Variants in ST6GALNAC3 observed in about 807,000 individuals in gnomAD.
ST6GALNAC3 encodes the protein alpha-N-acetylgalactosaminide alpha-2,6-sialyltransferase 3.
In ST6GALNAC3, 25 loss-of-function variants were observed where a neutral mutation model predicts 32.7. The observed-to-expected ratio is 0.76, with a 90% CI of 0.56 to 1.07. The LOEUF (loss-of-function observed/expected upper bound fraction) is 1.07. Among genes scored for constraint, ST6GALNAC3 ranks in the 50% least tolerant of loss-of-function variants. The pLI, the probability that ST6GALNAC3 is intolerant of heterozygous loss-of-function variation, is 0.00. For synonymous variants in ST6GALNAC3, 129 were observed against 133.1 expected (o/e 0.97, Z 0.21); for missense variants, 355 against 382.4 (o/e 0.93, Z 0.60).
At chr1:76,348,436 A>G (rs1398099289) in intron 2 of ST6GALNAC3, among the ~76,000 whole-genome samples, 1 of 152,204 alleles carries the variant, frequency 6.6e-6, no homozygotes, top group Non-Finnish European at 1.5e-5. Context: ...CTGAAGTGCT[A>G]TGCCAACTTC....
chr1:76,269,180 T>A (rs1179366448), intron 1 of ST6GALNAC3, among the ~76,000 whole-genome samples: 1 of 152,234 alleles, frequency 6.6e-6, no homozygotes, highest in Non-Finnish European at 1.5e-5. Context: ...ATGACCCTAC[T>A]CACGGCTCTA....
chr1:76,235,595 A>G (rs1010704082), intron 1 of ST6GALNAC3, among the ~76,000 whole-genome samples: 3 of 151,698 alleles, frequency 2.0e-5, no homozygotes, highest in Non-Finnish European at 4.4e-5. Context: ...TATTTCTCTC[A>G]TTTGATATAA....
intron 1 of ST6GALNAC3, among the ~76,000 whole-genome samples, chr1:76,101,376 C>G (rs1224476930): frequency 6.6e-6 from 1 of 152,114 alleles, no homozygotes; most frequent in Non-Finnish European, 1.5e-5. Flanking sequence ...ATTTCATTTT[C>G]TAGGTGTACC....
intron 2 of ST6GALNAC3, among the ~76,000 whole-genome samples, chr1:76,354,719 G>T (rs1423808003): frequency 6.6e-6 from 1 of 151,706 alleles, no homozygotes; most frequent in Non-Finnish European, 1.5e-5. Context: ...GATTAGTTAT[G>T]CTTTGCCAGT....
intron 3 of ST6GALNAC3, among the ~76,000 whole-genome samples, chr1:76,527,944 T>C (rs1461013962): frequency 3.3e-5 from 5 of 152,126 alleles, no homozygotes; most frequent in Non-Finnish European, 7.4e-5. Flanking sequence ...GTTCCCTGAC[T>C]TTGCCCAGGG....
intron 2 of ST6GALNAC3, among the ~76,000 whole-genome samples, chr1:76,328,784 G>A (rs910439523): frequency 3.9e-5 from 6 of 152,284 alleles, no homozygotes; most frequent in African/African-American, 1.4e-4. Context: ...GGATAAAAAT[G>A]AGGTAAAGTT....
At chr1:76,597,056 G>C (rs1199483800) in intron 3 of ST6GALNAC3, among the ~76,000 whole-genome samples, 2 of 152,154 alleles carry the variant, frequency 1.3e-5, no homozygotes, top group Non-Finnish European at 2.9e-5. Context: ...AGTTTAGTCT[G>C]AGTCTAAAAG....
intron 2 of ST6GALNAC3, among the ~76,000 whole-genome samples, chr1:76,337,096 C>T (rs1298266586): frequency 6.6e-6 from 1 of 152,174 alleles, no homozygotes; most frequent in East Asian, 1.9e-4. Flanking sequence ...ATGGTGGGTC[C>T]CTTAGGCACA....
chr1:76,416,274 C>A (rs964428172), intron 3 of ST6GALNAC3, among the ~76,000 whole-genome samples: 1 of 152,068 alleles, frequency 6.6e-6, no homozygotes, highest in Non-Finnish European at 1.5e-5. Flanking sequence ...GTATACATCA[C>A]TGAAGTCATG....
chr1:76,135,382 C>CA (rs1649878057), intron 1 of ST6GALNAC3, among the ~76,000 whole-genome samples: 2 of 151,972 alleles, frequency 1.3e-5, no homozygotes. Flanking sequence ...AAAAATGAAC[C>CA]AAATATTGAA....
At chr1:76,300,463 A>C (rs1339496496) in intron 1 of ST6GALNAC3, among the ~76,000 whole-genome samples, 1 of 152,026 alleles carries the variant, frequency 6.6e-6, no homozygotes, top group Non-Finnish European at 1.5e-5. Context: ...TCACTAAAAA[A>C]TGGATGTACA....
chr1:76,457,869 C>A (rs1188984149), intron 3 of ST6GALNAC3, among the ~76,000 whole-genome samples: 26 of 149,904 alleles, frequency 1.7e-4, no homozygotes, highest in Admixed American at 2.0e-4. Context: ...GCAACAAAAG[C>A]CAAAATTGAC....
intron 3 of ST6GALNAC3, among the ~76,000 whole-genome samples, chr1:76,624,055 A>G (rs1648810369): frequency 1.3e-5 from 2 of 151,942 alleles, no homozygotes; most frequent in South Asian, 4.2e-4. Flanking sequence ...CCTGCCATTT[A>G]ACATCCCAAA....
intron 1 of ST6GALNAC3, among the ~76,000 whole-genome samples, chr1:76,124,647 A>G (rs1040534793): frequency 4.6e-5 from 7 of 152,142 alleles, no homozygotes; most frequent in African/African-American, 1.4e-4. Flanking sequence ...CTCTTGTGAT[A>G]GTGTTAAAAA....
chr1:76,187,886 C>G (rs1327256877), intron 1 of ST6GALNAC3, among the ~76,000 whole-genome samples: 4 of 152,164 alleles, frequency 2.6e-5, no homozygotes, highest in Non-Finnish European at 5.9e-5. Context: ...GCCTCTATAC[C>G]TCCCTCCAGC....
In ST6GALNAC3 at chr1:76,177,270, T is replaced by C. The variant is rs774302086; in HGVS notation, c.18+102386T>C. Among the ~76,000 whole-genome samples the C allele has an allele frequency of 6.0e-4, 92 of 152,334 alleles. 1 individual carries two copies. Among genetic ancestry groups the C allele is most frequent in the Non-Finnish European group, 1.1e-3 (78 of 68,024 alleles). On this transcript the variant is annotated intron_variant, in intron 1 of 4. Coordinates refer to ENST00000328299, the MANE Select transcript of ST6GALNAC3 (RefSeq NM_152996.4). ...ACTAAATATTTGAGGGACATTATTC[T>C]GGAAGCCAGGTCTCATTTTCTAGGA...
At chr1:76,171,077 T>A (rs1442449006) in intron 1 of ST6GALNAC3, among the ~76,000 whole-genome samples, 1 of 145,708 alleles carries the variant, frequency 6.9e-6, no homozygotes, top group Non-Finnish European at 1.5e-5. Flanking sequence ...GAACAGTTAT[T>A]CATTGAGAGG....
At chr1:76,264,809 C>T (rs933300266) in intron 1 of ST6GALNAC3, among the ~76,000 whole-genome samples, 1 of 151,914 alleles carries the variant, frequency 6.6e-6, no homozygotes, top group African/African-American at 2.4e-5. Context: ...GTGATTAAAA[C>T]CAGATGGAGA....
chr1:76,322,555 G>A (rs1174371806), intron 2 of ST6GALNAC3, among the ~76,000 whole-genome samples: 1 of 152,092 alleles, frequency 6.6e-6, no homozygotes, highest in Non-Finnish European at 1.5e-5. Flanking sequence ...GAACATTCAA[G>A]TAATTTCAAT....
Sources: allele counts gnomAD v4.1 joint callset (sites outside exome capture counted in the v4.1 genomes callset), GRCh38; gene constraint gnomAD v4.1.1; transcripts MANE v1.5; gene names NCBI Gene and HGNC (gene_info 2026-07-23, HGNC 2026-07-21).